FBXL7: variants seen among roughly 807,000 people sequenced by gnomAD.
The protein encoded by FBXL7 is F-box/LRR-repeat protein 7.
A neutral mutation model predicts 38.3 loss-of-function variants in FBXL7; 12 were observed. The ratio of observed to expected loss-of-function variants is 0.31; its 90% CI spans 0.20 to 0.51. The LOEUF (loss-of-function observed/expected upper bound fraction) is 0.51, where lower values mean the gene tolerates loss of function less well. FBXL7 is among the 20% of genes least tolerant of loss of function. The pLI is 0.98. For missense variants in FBXL7, 567 were observed against 676.4 expected, an observed-to-expected ratio of 0.84 and a Z score of 1.79; for synonymous variants, 297 against 300.9, an observed-to-expected ratio of 0.99 and a Z score of 0.13.
intron 1 of FBXL7, chr5:15,606,668 T>A (rs1740036005): frequency 6.6e-6 from 1 of 152,248 alleles, no homozygotes; most frequent in South Asian, 2.1e-4. Context: ...TTTAGCAATT[T>A]CCCTTCTGTT....
chr5:15,747,755 G>T (rs925084320), intron 2 of FBXL7, among the ~76,000 whole-genome samples: 2 of 152,062 alleles, frequency 1.3e-5, no homozygotes, highest in African/African-American at 4.8e-5. Context: ...TGGGATCCAG[G>T]TTTTCCATCT....
chr5:15,870,511 G>GT (rs1241519826), intron 2 of FBXL7, among the ~76,000 whole-genome samples: 2 of 152,036 alleles, frequency 1.3e-5, no homozygotes, highest in Non-Finnish European at 2.9e-5. Flanking sequence ...AAGATTAAGG[G>GT]TTTTTTGGAG....
intron 2 of FBXL7, among the ~76,000 whole-genome samples, chr5:15,617,259 A>T (rs932246170): frequency 6.6e-6 from 1 of 152,172 alleles, no homozygotes; most frequent in Non-Finnish European, 1.5e-5. Flanking sequence ...CGTTTTCCCA[A>T]CATCGTAAGG....
At chr5:15,877,210 A>G (rs982892178) in intron 2 of FBXL7, among the ~76,000 whole-genome samples, 1 of 152,186 alleles carries the variant, frequency 6.6e-6, no homozygotes, top group East Asian at 1.9e-4. Context: ...CTTCAGTAAC[A>G]TGTAAAAATT....
At chr5:15,914,385 C>CAAA (rs57871930) in intron 2 of FBXL7, among the ~76,000 whole-genome samples, 1 of 81,682 alleles carries the variant, frequency 1.2e-5, no homozygotes, top group East Asian at 3.6e-4. Flanking sequence ...GACTCCCTCT[C>CAAA]AAAAAAAAAA....
chr5:15,782,339 A>G (rs1259484933), intron 2 of FBXL7, among the ~76,000 whole-genome samples: 1 of 152,196 alleles, frequency 6.6e-6, no homozygotes, highest in Non-Finnish European at 1.5e-5. Context: ...TTGGGTATAT[A>G]CCCAGTAATG....
At position 15,556,695 on chromosome 5, in the gene FBXL7, CCTCTT is replaced by C. The variant is rs201924728; in HGVS notation, c.37+55984_37+55988del. On this transcript the variant is annotated intron_variant, in intron 1 of 3. Coordinates refer to ENST00000504595, the MANE Select transcript of FBXL7 (RefSeq NM_012304.5). ...ATTTAATTCAATCAATTTTTAGACT[CCTCTT>C]CATCTTCTATTTGCATGACTGTGCC... is the stretch of plus-strand genomic sequence containing the variant. 9.3e-3 allele frequency among the ~76,000 whole-genome samples: 1,419 copies of C among 152,274 alleles called. 18 individuals are homozygous for C. The highest frequency in any genetic ancestry group is 0.031 in the African/African-American group (1,290 of 41,564).
intron 2 of FBXL7, among the ~76,000 whole-genome samples, chr5:15,660,340 G>A (rs980246071): frequency 3.9e-5 from 6 of 152,170 alleles, no homozygotes; most frequent in South Asian, 2.1e-4. Flanking sequence ...AGAAAAAAAG[G>A]CCCCCACTCT....
intron 2 of FBXL7, among the ~76,000 whole-genome samples, chr5:15,694,894 G>A (rs1292895287): frequency 1.3e-5 from 2 of 152,176 alleles, no homozygotes; most frequent in African/African-American, 4.8e-5. Flanking sequence ...GAACAGCCGA[G>A]TAAGGTTTTG....
At chr5:15,715,582 AC>A (rs1744021940) in intron 2 of FBXL7, among the ~76,000 whole-genome samples, 1 of 151,592 alleles carries the variant, frequency 6.6e-6, no homozygotes, top group African/African-American at 2.4e-5. Context: ...TTTGTGGGCC[AC>A]GTGGTCTCTG....
At chr5:15,588,449 C>A (rs553685088) in intron 1 of FBXL7, among the ~76,000 whole-genome samples, 15 of 150,056 alleles carry the variant, frequency 1.0e-4, no homozygotes, top group African/African-American at 2.9e-4. Context: ...TGCAGTGGCA[C>A]GATCTCGGGT....
At position 15,830,485 on chromosome 5, in the gene FBXL7, A is replaced by ACACACACAC. The variant is rs1554024729; in HGVS notation, c.128-97405_128-97404insCACACACAC. ...GGCGACAGAGTGAGACTCCATCTAAAACACACACACACACACACACACACA... is the reference window on the plus strand; with the variant it reads ...GGCGACAGAGTGAGACTCCATCTAAACACACACACACACACACACACACACACACACACA... On this transcript the variant is annotated intron_variant, in intron 2 of 3. Transcript: ENST00000504595. Among the ~76,000 whole-genome samples, 312 of 144,298 alleles carry ACACACACAC rather than the reference A, an allele frequency of 2.2e-3. 6 individuals carry two copies. The highest frequency in any genetic ancestry group is 9.2e-3 in the East Asian group (44 of 4,760). 94.7% of individuals were successfully genotyped at this position (144,298 alleles called of 152,430 possible).
At chr5:15,783,184 G>A (rs115201872) in intron 2 of FBXL7, among the ~76,000 whole-genome samples, 65 of 152,292 alleles carry the variant, frequency 4.3e-4, no homozygotes, top group African/African-American at 1.5e-3. Flanking sequence ...AACTGAACAC[G>A]GGTGGTGGAG....
At chr5:15,935,190 C>T (rs897973061) in intron 3 of FBXL7, 2 of 534,642 alleles carry the variant, frequency 3.7e-6, no homozygotes, top group Admixed American at 1.9e-5. Flanking sequence ...GGGTGCAGAT[C>T]CTTGGGAGCC....
intron 2 of FBXL7, among the ~76,000 whole-genome samples, chr5:15,858,985 GT>G (rs1739357832): frequency 6.6e-6 from 1 of 152,082 alleles, no homozygotes; most frequent in Admixed American, 6.6e-5. Flanking sequence ...TTTTTAATAT[GT>G]TGAAATAAAA....
chr5:15,570,265 A>G (rs1044390432), intron 1 of FBXL7, among the ~76,000 whole-genome samples: 1 of 152,156 alleles, frequency 6.6e-6, no homozygotes, highest in African/African-American at 2.4e-5. Context: ...CCTCAATTTC[A>G]GAGCCTGTTA....
intron 2 of FBXL7, among the ~76,000 whole-genome samples, chr5:15,640,126 G>C (rs1042283464): frequency 6.6e-6 from 1 of 152,162 alleles, no homozygotes; most frequent in African/African-American, 2.4e-5. Flanking sequence ...CCATAACAAA[G>C]TATAATACCA....
At chr5:15,548,771 G>C (rs1451054421) in intron 1 of FBXL7, among the ~76,000 whole-genome samples, 1 of 152,272 alleles carries the variant, frequency 6.6e-6, no homozygotes, top group Middle Eastern at 3.4e-3. Context: ...GTAAGAGGTG[G>C]GTAGGGAAAA....
chr5:15,536,735 G>A (rs1737596917), intron 1 of FBXL7, among the ~76,000 whole-genome samples: 1 of 152,208 alleles, frequency 6.6e-6, no homozygotes, highest in Non-Finnish European at 1.5e-5. Context: ...CTTGGTCTTG[G>A]ACTTTTGGGT....
Sources: allele counts gnomAD v4.1 joint callset (sites outside exome capture counted in the v4.1 genomes callset), GRCh38; gene constraint gnomAD v4.1.1; transcripts MANE v1.5; gene names NCBI Gene and HGNC (gene_info 2026-07-23, HGNC 2026-07-21).